Variants in PLPPR5 observed in about 807,000 individuals in gnomAD.
PLPPR5 encodes the protein phospholipid phosphatase related 5, also known as phospholipid phosphatase-related protein type 5.
A neutral mutation model predicts 33.9 loss-of-function variants in PLPPR5; 16 were observed. The observed-to-expected ratio is 0.47, with a 90% CI of 0.32 to 0.72. PLPPR5 has a LOEUF of 0.72. Among genes scored for constraint, PLPPR5 ranks in the 30% least tolerant of loss-of-function variants. PLPPR5 has a pLI of 0.03. For synonymous variants in PLPPR5, 163 were observed against 150.3 expected (o/e 1.08, Z -0.62); for missense variants, 301 against 406.7 (o/e 0.74, Z 2.23).
chr1:98,896,621 G>T (rs1038903474), intron 5 of PLPPR5, among the ~76,000 whole-genome samples: 1 of 152,036 alleles, frequency 6.6e-6, no homozygotes. Context: ...TGTTCACTCA[G>T]GTGCACAGCA....
In PLPPR5 at chr1:98,956,661, A is replaced by G. The variant is rs371369222; in HGVS notation, c.318T>C (p.Thr106=). Residue 106 remains threonine, a synonymous_variant, in exon 2 of 6, where the codon ACT becomes ACC. Transcript: ENST00000263177. ...DFENQEKTIL[T]GDCCYINPLV... ...GCGGGTTTATATAGCAACAGTCTCC[A>G]GTTAAAATAGTTTTTTCCTGGTTTT... 125 of 1,603,256 alleles carry G rather than the reference A, an allele frequency of 7.8e-5. 2 individuals are homozygous for G. The Middle Eastern group carries it at 1.2e-3, about 15-fold the overall frequency.
At chr1:98,916,362 A>G (rs777339100) in intron 4 of PLPPR5, among the ~76,000 whole-genome samples, 1 of 152,238 alleles carries the variant, frequency 6.6e-6, no homozygotes, top group Non-Finnish European at 1.5e-5. Context: ...AGTAAGGGAC[A>G]GTAAGGGCTT....
At chr1:98,915,796 T>G (rs572794301) in intron 4 of PLPPR5, among the ~76,000 whole-genome samples, 1 of 152,134 alleles carries the variant, frequency 6.6e-6, no homozygotes, top group East Asian at 1.9e-4. Context: ...GGCCTAGGAG[T>G]TGGCACTTCA....
At chr1:98,991,680 GT>G (rs67487207) in intron 1 of PLPPR5, among the ~76,000 whole-genome samples, 40,085 of 151,998 alleles carry the variant, frequency 0.26, 5,406 homozygotes, top group East Asian at 0.4. Context: ...AAAAGGTTGA[GT>G]TGAGGTCAGT....
At chr1:98,966,586 C>T (rs1010297616) in intron 1 of PLPPR5, among the ~76,000 whole-genome samples, 2 of 152,080 alleles carry the variant, frequency 1.3e-5, no homozygotes, top group Admixed American at 6.6e-5. Flanking sequence ...AACCAGGAAG[C>T]CCTAATATTC....
Position 99,004,614 on chromosome 1 carries a change from T to C in PLPPR5, c.58A>G (p.Met20Val), listed in dbSNP as rs1436175006. The C allele has an allele frequency of 1.2e-6, 2 of 1,612,948 alleles. No individual in the cohort carries two copies. Among genetic ancestry groups the C allele is most frequent in the African/African-American group, 1.3e-5 (1 of 74,890 alleles). ...SSMLYFQMVI[M>V]AGTVMLAYYF... ...TACGCCAGCATCACCGTCCCTGCCA[T>C]GATCACCATCTGGAAATAGAGCATG... Residue 20 changes from methionine to valine, a missense_variant, in exon 1 of 6, where the codon ATG (methionine) becomes GTG (valine). Transcript: ENST00000263177.
chr1:98,964,840 G>A lies in PLPPR5; in HGVS notation c.238-8099C>T, dbSNP rs138701840. ...TATTTTGGAAGCAGGATCTTGTTCT[G>A]TTGCCCAGGGTGGAGTGCCATGGTG... On this transcript the variant is annotated intron_variant, in intron 1 of 5. Transcript: ENST00000263177. Among the ~76,000 whole-genome samples, 384 of 152,266 alleles carry A rather than the reference G, an allele frequency of 2.5e-3. 9 individuals carry two copies. Among genetic ancestry groups the A allele is most frequent in the African/African-American group, 8.9e-3 (369 of 41,546 alleles).
At chr1:98,964,508 C>G (rs41347349) in intron 1 of PLPPR5, among the ~76,000 whole-genome samples, 4,915 of 152,290 alleles carry the variant, frequency 0.032, 182 homozygotes, top group African/African-American at 0.094. Context: ...GAAAAAAGGA[C>G]TCTGCTGGTA....
rs1649569508 is a variant in PLPPR5, at chr1:98,921,924, A to G, written c.756T>C (p.Val252=). 6.2e-7 allele frequency: 1 copy of G among 1,613,864 alleles called. No homozygotes were observed. Among genetic ancestry groups the G allele is most frequent in the Admixed American group, 1.7e-5 (1 of 59,966 alleles). ...ATATTCCAACCAGAAAGCCTGCTAT[A>G]ACATCTGACCAATGATTTCGATATT... The part of the protein sequence containing the change: ...VAEYRNHWSD[V]IAGFLVGISI... Residue 252 remains valine, a synonymous_variant, in exon 4 of 6, where the codon GTT becomes GTC. Transcript: ENST00000263177.
chr1:98,960,019 C>T (rs993565490), intron 1 of PLPPR5, among the ~76,000 whole-genome samples: 1 of 152,006 alleles, frequency 6.6e-6, no homozygotes, highest in Non-Finnish European at 1.5e-5. Flanking sequence ...TCATCAAATG[C>T]ATATGCCTAG....
intron 3 of PLPPR5, among the ~76,000 whole-genome samples, chr1:98,937,512 G>C (rs1650212774): frequency 1.3e-5 from 2 of 152,136 alleles, no homozygotes; most frequent in African/African-American, 4.8e-5. Context: ...TTGGAGTTCT[G>C]TAGGAAGCTG....
At chr1:98,902,927 C>T (rs1648750008) in intron 5 of PLPPR5, among the ~76,000 whole-genome samples, 1 of 151,968 alleles carries the variant, frequency 6.6e-6, no homozygotes, top group South Asian at 2.1e-4. Flanking sequence ...TGTTAGATAA[C>T]TGAAGGGAAA....
At position 98,907,244 on chromosome 1, in the gene PLPPR5, C is replaced by T. The variant is rs910586605; in HGVS notation, c.933+7542G>A. On this transcript the variant is annotated intron_variant, in intron 5 of 5. Transcript: ENST00000263177. ...TCTGATGAAGTCTCACTCTGTTGTC[C>T]AGGCTGGAGTGCAGTGCCACGATCT... Among the ~76,000 whole-genome samples, 5 of 145,750 alleles carry T rather than the reference C, an allele frequency of 3.4e-5. No homozygotes were observed. The South Asian group carries it at 6.4e-4, about 19-fold the overall frequency.
At chr1:98,956,823 T>C (rs982853482) in intron 1 of PLPPR5, 82 bp from the exon 2 acceptor site, 2 of 1,104,484 alleles carry the variant, frequency 1.8e-6, no homozygotes, top group Non-Finnish European at 1.2e-6. Context: ...AAATGTAAAA[T>C]GGAGCCCCTT....
chr1:98,996,105 G>C (rs972058962), intron 1 of PLPPR5, among the ~76,000 whole-genome samples: 3 of 152,078 alleles, frequency 2.0e-5, no homozygotes, highest in Non-Finnish European at 1.5e-5. Flanking sequence ...CAGAGTCCAA[G>C]AGACCTACAT....
intron 1 of PLPPR5, among the ~76,000 whole-genome samples, chr1:98,970,177 T>C (rs1651609902): frequency 2.0e-5 from 3 of 152,076 alleles, no homozygotes; most frequent in South Asian, 2.1e-4. Flanking sequence ...GTTGATTACA[T>C]AGGAAATCCT....
intron 1 of PLPPR5, among the ~76,000 whole-genome samples, chr1:99,002,164 T>C (rs1652874048): frequency 6.6e-6 from 1 of 152,098 alleles, no homozygotes; most frequent in African/African-American, 2.4e-5. Flanking sequence ...CAGAGTGCAC[T>C]ATTCCTAGAA....
At chr1:98,974,796 T>G (rs987600463) in intron 1 of PLPPR5, among the ~76,000 whole-genome samples, 18 of 152,070 alleles carry the variant, frequency 1.2e-4, no homozygotes, top group African/African-American at 4.3e-4. Context: ...ATTTCTACTT[T>G]GTACCTGAAT....
At chr1:98,903,852 G>A (rs913009014) in intron 5 of PLPPR5, among the ~76,000 whole-genome samples, 3 of 152,112 alleles carry the variant, frequency 2.0e-5, no homozygotes, top group Non-Finnish European at 4.4e-5. Flanking sequence ...TTCAAACCTA[G>A]CTGCAAAATC....
Sources: gnomAD v4.1 joint callset for allele counts (sites outside exome capture counted in the v4.1 genomes callset) on GRCh38, gnomAD v4.1.1 for gene constraint, MANE v1.5 for transcripts, NCBI Gene and HGNC (gene_info 2026-07-23, HGNC 2026-07-21) for gene names.